Variants in ALDH1A1 observed in about 807,000 individuals in gnomAD.
ALDH1A1 encodes the protein aldehyde dehydrogenase 1A1.
Under a neutral mutation model 62.1 loss-of-function variants are expected in ALDH1A1, and 19 were observed. The observed-to-expected ratio is 0.31, with a 90% CI of 0.21 to 0.45. The LOEUF (loss-of-function observed/expected upper bound fraction) is 0.45. Among genes scored for constraint, ALDH1A1 ranks in the 20% least tolerant of loss-of-function variants. ALDH1A1 has a pLI of 1.00. For synonymous variants in ALDH1A1, 231 were observed against 215.9 expected, an observed-to-expected ratio of 1.07 and a Z score of -0.61; for missense variants, 521 against 607.1, an observed-to-expected ratio of 0.86 and a Z score of 1.49.
chr9:72,913,986 A>T (rs1830026098), intron 9 of ALDH1A1, among the ~76,000 whole-genome samples: 1 of 152,244 alleles, frequency 6.6e-6, no homozygotes. Context: ...CAGGCTGACC[A>T]TATATAAACT....
chr9:72,913,518 T>G (rs539125560), intron 9 of ALDH1A1, among the ~76,000 whole-genome samples: 2 of 152,316 alleles, frequency 1.3e-5, no homozygotes, highest in African/African-American at 4.8e-5. Flanking sequence ...GCTTTCTGTC[T>G]TATTGGAACA....
chr9:72,928,778 T>A, intron 4 of ALDH1A1, 114 bp downstream of exon 4: 1 of 1,198,398 alleles, frequency 8.3e-7, no homozygotes, highest in Middle Eastern at 2.1e-4. Context: ...AAGAGGAAAA[T>A]AATTTTGCCT....
At chr9:72,928,842 A>T in intron 4 of ALDH1A1, 50 bp downstream of exon 4, 1 of 1,564,328 alleles carries the variant, frequency 6.4e-7, no homozygotes, top group Non-Finnish European at 8.7e-7. Flanking sequence ...GCTCTATAGT[A>T]AACTCCTCGC....
At chr9:72,918,395 T>C (rs1401426341) in intron 8 of ALDH1A1, among the ~76,000 whole-genome samples, 1 of 152,154 alleles carries the variant, frequency 6.6e-6, no homozygotes, top group African/African-American at 2.4e-5. Context: ...ATTAGCTCAA[T>C]GAAATGCTAA....
chr9:72,919,144 A>AT (rs1354703958), intron 7 of ALDH1A1, among the ~76,000 whole-genome samples: 1 of 152,110 alleles, frequency 6.6e-6, no homozygotes, highest in Non-Finnish European at 1.5e-5. Flanking sequence ...AAAAATGCTG[A>AT]TTTTTCATCA....
In ALDH1A1 at chr9:72,930,939, C is replaced by T. The variant is rs779565557; in HGVS notation, c.252G>A (p.Glu84=). The change falls in exon 3 of 13, where the codon GAG becomes GAA. Residue 84 remains glutamate, a synonymous_variant. Coordinates refer to ENST00000297785, the MANE Select transcript of ALDH1A1 (RefSeq NM_000689.5). ...CCAACTTGTATAATAGTCGCCCCCT[C>T]TCGGAAGCATCCATAGTACGCCACG... is the stretch of plus-strand genomic sequence containing the variant. ...GSPWRTMDAS[E]RGRLLYKLAD... The T allele has an allele frequency of 3.1e-6, 5 of 1,613,948 alleles. No individual in the cohort carries two copies. The highest frequency in any genetic ancestry group is 4.2e-6 in the Non-Finnish European group (5 of 1,179,994).
At chr9:72,941,839 A>G (rs1830419312) in intron 1 of ALDH1A1, among the ~76,000 whole-genome samples, 1 of 152,192 alleles carries the variant, frequency 6.6e-6, no homozygotes, top group African/African-American at 2.4e-5. Context: ...ATTATCCTGT[A>G]TAGTTAGAAG....
chr9:72,925,214 C>A (rs1465950937), intron 6 of ALDH1A1, among the ~76,000 whole-genome samples: 2 of 152,144 alleles, frequency 1.3e-5, no homozygotes, highest in Non-Finnish European at 2.9e-5. Flanking sequence ...AATTTATGTT[C>A]ATGAGAGTTG....
rs12684937 is a variant in ALDH1A1 at position 72,947,485 on chromosome 9, A to G, written c.66+5450T>C. Reference sequence around the variant, plus strand: ...GAATCTCAGACTTCAGCCTAGATCTATTCTTTCAACCACAGTAAGGAATGA... The same window carrying G: ...GAATCTCAGACTTCAGCCTAGATCTGTTCTTTCAACCACAGTAAGGAATGA... On this transcript the variant is annotated intron_variant, in intron 1 of 12. Transcript: ENST00000297785. Among the ~76,000 whole-genome samples, 1,427 of 152,122 alleles carry G rather than the reference A, an allele frequency of 9.4e-3. 26 individuals carry two copies. The highest frequency in any genetic ancestry group is 0.03 in the African/African-American group (1,250 of 41,534).
rs1277186462 is a variant in ALDH1A1 at position 72,916,952 on chromosome 9, G to A, written c.1003C>T (p.Pro335Ser). Residue 335 changes from proline to serine, a missense_variant, in exon 9 of 13, where the codon CCT becomes TCT. Transcript: ENST00000297785. ...ERAKKYILGN[P>S]LTPGVTQGPQ... is the part of the protein sequence containing the mutation. ...CCTTGAGTGACTCCTGGGGTCAGAG[G>A]ATTTCCAAGGATATACTTCTTAGCC... is the stretch of plus-strand genomic sequence containing the variant. 1 of 1,612,048 alleles carries A rather than the reference G, an allele frequency of 6.2e-7. No individual in the cohort carries two copies. The highest frequency in any genetic ancestry group is 1.7e-5 in the Admixed American group (1 of 59,830).
intron 2 of ALDH1A1, among the ~76,000 whole-genome samples, chr9:72,936,717 T>C (rs1178431496): frequency 2.0e-5 from 3 of 152,160 alleles, no homozygotes; most frequent in African/African-American, 4.8e-5. Flanking sequence ...TGATCAGTAT[T>C]TCTATGCCCA....
At chr9:72,951,620 G>A (rs1343124726) in intron 1 of ALDH1A1, among the ~76,000 whole-genome samples, 2 of 151,818 alleles carry the variant, frequency 1.3e-5, no homozygotes, top group African/African-American at 4.8e-5. Context: ...GAAATTTCTT[G>A]TGAATGACAA....
chr9:72,952,376 G>T (rs1046743974), intron 1 of ALDH1A1, among the ~76,000 whole-genome samples: 1 of 151,916 alleles, frequency 6.6e-6, no homozygotes, highest in Non-Finnish European at 1.5e-5. Flanking sequence ...CAACAAACTT[G>T]GCTGAAGAAA....
At chr9:72,912,628 T>A (rs1372831315) in intron 9 of ALDH1A1, among the ~76,000 whole-genome samples, 4 of 152,114 alleles carry the variant, frequency 2.6e-5, no homozygotes, top group African/African-American at 9.7e-5. Flanking sequence ...CTCTGACCTG[T>A]CCGATGCCCT....
At chr9:72,921,043 C>T (rs753662809) in intron 7 of ALDH1A1, among the ~76,000 whole-genome samples, 77 of 152,126 alleles carry the variant, frequency 5.1e-4, no homozygotes, top group African/African-American at 1.6e-3. Context: ...GTCAAGAGAT[C>T]GAGACCATCC....
intron 1 of ALDH1A1, among the ~76,000 whole-genome samples, chr9:72,943,422 C>T (rs1830439312): frequency 6.6e-6 from 1 of 152,094 alleles, no homozygotes; most frequent in African/African-American, 2.4e-5. Flanking sequence ...GAATTTGCAT[C>T]TAAGCTGTAC....
At chr9:72,936,349 C>T (rs1297247632) in intron 2 of ALDH1A1, among the ~76,000 whole-genome samples, 4 of 152,164 alleles carry the variant, frequency 2.6e-5, no homozygotes, top group Non-Finnish European at 1.5e-5. Context: ...TAAAATTAAT[C>T]CCAGTGGCAA....
intron 11 of ALDH1A1, among the ~76,000 whole-genome samples, chr9:72,907,123 C>T (rs1269120165): frequency 6.6e-6 from 1 of 152,164 alleles, no homozygotes; most frequent in Non-Finnish European, 1.5e-5. Context: ...ATCCCAGTTC[C>T]CGAAGTTCCA....
intron 6 of ALDH1A1, 132 bp from the exon 7 acceptor site, chr9:72,924,264 T>C: frequency 1.7e-6 from 1 of 598,088 alleles, no homozygotes; most frequent in Non-Finnish European, 2.9e-6. Context: ...CCCAACTGGC[T>C]CTATTCTTTA....
Sources: gnomAD v4.1 joint callset for allele counts (sites outside exome capture counted in the v4.1 genomes callset) on GRCh38, gnomAD v4.1.1 for gene constraint, MANE v1.5 for transcripts, NCBI Gene and HGNC (gene_info 2026-07-23, HGNC 2026-07-21) for gene names.